The following ARHGAP45 variants were observed in gnomAD, a reference collection of about 807,000 sequenced individuals.
ARHGAP45 encodes Rho GTPase activating protein 45.
ARHGAP45 carries 56 observed loss-of-function variants against 116.1 expected under a neutral mutation model. The ratio of observed to expected loss-of-function variants is 0.48; its 90% CI spans 0.39 to 0.60. ARHGAP45 has a LOEUF of 0.60. ARHGAP45 is among the 20% of genes least tolerant of loss of function. The pLI, the probability that ARHGAP45 is intolerant of heterozygous loss-of-function variation, is 0.00. For missense variants in ARHGAP45, 1,622 were observed against 1,601.0 expected (o/e 1.01, Z -0.22); for synonymous variants, 866 against 701.7 (o/e 1.23, Z -3.70).
chr19:1,068,653 G>A lies in ARHGAP45; in HGVS notation c.330G>A (p.Pro110=), dbSNP rs117640500. Reference sequence around the variant, plus strand: ...AGCTGCCCACCGAGGGTGCCGGCCCGGACGTCGTCGAGGACATCTCCCATC... The same window carrying A: ...AGCTGCCCACCGAGGGTGCCGGCCCAGACGTCGTCGAGGACATCTCCCATC... ...PGELPTEGAG[P]DVVEDISHLL... The change falls in exon 2 of 23, where the codon CCG becomes CCA. Residue 110 remains proline, a synonymous_variant. Transcript: ENST00000313093. This position sits in a 1 kb window ranked among gnomAD's most constrained non-coding sequence, Gnocchi z 7.5. 0.014 allele frequency: 23,293 copies of A among 1,612,590 alleles called. 197 individuals carry two copies. The highest frequency in any genetic ancestry group is 0.017 in the Non-Finnish European group (20,244 of 1,179,956).
At chr19:1,078,710 C>T (rs1400310312) in intron 11 of ARHGAP45, among the ~76,000 whole-genome samples, 4 of 150,940 alleles carry the variant, frequency 2.7e-5, no homozygotes, top group Admixed American at 6.6e-5. Flanking sequence ...CGCCCGGCCC[C>T]GATTTTTAAA....
At chr19:1,084,466 A>C (rs886493995) in intron 22 of ARHGAP45, 120 bp downstream of exon 22, 6 of 708,492 alleles carry the variant, frequency 8.5e-6, no homozygotes, top group African/African-American at 1.8e-5. Context: ...CATTCTGTGG[A>C]TTTCGTCTGC....
intron 11 of ARHGAP45, among the ~76,000 whole-genome samples, chr19:1,078,745 C>G (rs1488840767): frequency 6.6e-6 from 1 of 151,442 alleles, no homozygotes; most frequent in Non-Finnish European, 1.5e-5. Context: ...GAGACAGTGT[C>G]TTGTTCTGTC....
At chr19:1,076,640 G>T (rs752376022) in intron 10 of ARHGAP45, among the ~76,000 whole-genome samples, 1 of 151,948 alleles carries the variant, frequency 6.6e-6, no homozygotes, top group African/African-American at 2.4e-5. Context: ...GGGATTACAG[G>T]CGCCAGCCAA....
At position 1,068,598 on chromosome 19, in the gene ARHGAP45, G is replaced by A. The variant is rs780950947; in HGVS notation, c.275G>A (p.Arg92Gln). ...TCCTGGACACTGGGCCGGAGCCACCGGAGCCCACTGACAGCCGCCAGCCCG... is the reference window on the plus strand; with the variant it reads ...TCCTGGACACTGGGCCGGAGCCACCAGAGCCCACTGACAGCCGCCAGCCCG... ...AASWTLGRSHRSPLTAASPGE... is the reference protein window; with the variant it reads ...AASWTLGRSHQSPLTAASPGE... Residue 92 changes from arginine to glutamine, a missense_variant, in exon 2 of 23, where the codon CGG becomes CAG. By Grantham distance (43) the Arg-to-Gln change is conservative. Coordinates refer to ENST00000313093, the MANE Select transcript of ARHGAP45 (RefSeq NM_012292.5). The surrounding 1 kb of genome is among the most constrained non-coding windows in gnomAD (Gnocchi z 7.5). The A allele has an allele frequency of 2.9e-5, 46 of 1,610,954 alleles. No homozygotes were observed. The highest frequency in any genetic ancestry group is 3.7e-5 in the Non-Finnish European group (44 of 1,179,026).
Position 1,068,605 on chromosome 19 carries a change from A to G in ARHGAP45, c.282A>G (p.Pro94=), listed in dbSNP as rs1188102284. ...CACTGGGCCGGAGCCACCGGAGCCCACTGACAGCCGCCAGCCCGGGCGAGC... is the reference window on the plus strand; with the variant it reads ...CACTGGGCCGGAGCCACCGGAGCCCGCTGACAGCCGCCAGCCCGGGCGAGC... ...SWTLGRSHRS[P]LTAASPGELP... The change falls in exon 2 of 23, where the codon CCA becomes CCG. Residue 94 remains proline (P), a synonymous_variant. Transcript: ENST00000313093. This position sits in a 1 kb window ranked among gnomAD's most constrained non-coding sequence, Gnocchi z 7.5. 2 of 1,611,212 alleles carry G rather than the reference A, an allele frequency of 1.2e-6. No individual in the cohort carries two copies. The highest frequency in any genetic ancestry group is 2.2e-5 in the South Asian group (2 of 90,992).
At chr19:1,066,130 C>G (rs933079091), upstream of ARHGAP45, 1 of 1,535,560 alleles carries the variant, frequency 6.5e-7, no homozygotes, top group African/African-American at 1.4e-5. Flanking sequence ...GCCTTCATGT[C>G]CTGTGCCCCA....
intron 10 of ARHGAP45, 58 bp from the exon 11 acceptor site, chr19:1,077,799 G>A: frequency 1.3e-6 from 2 of 1,550,378 alleles, no homozygotes; most frequent in Non-Finnish European, 1.7e-6. Context: ...GAGCTGGGGA[G>A]ACTGAGTCCC....
chr19:1,073,911 G>C, intron 5 of ARHGAP45, 37 bp from the exon 6 acceptor site: 1 of 1,531,694 alleles, frequency 6.5e-7, no homozygotes, highest in African/African-American at 1.4e-5. Flanking sequence ...CCAGGGCCCC[G>C]CATGGGGCTG....
In ARHGAP45 at chr19:1,079,777, C is replaced by G. The variant is rs766176590; in HGVS notation, c.1449C>G (p.Thr483=). The G allele has an allele frequency of 1.9e-6, 3 of 1,611,776 alleles. No individual in the cohort carries two copies. The highest frequency in any genetic ancestry group is 8.5e-7 in the Non-Finnish European group (1 of 1,179,098). ...AKTQKQELED[T]KVTALRQIQE... ...CGCAGAAGCAGGAGCTGGAGGATAC[C>G]AAGGTGACGGCGCTGCGGCAGATCC... is the stretch of plus-strand genomic sequence containing the variant. Residue 483 remains threonine, a synonymous_variant, in exon 12 of 23, where the codon ACC becomes ACG. Transcript: ENST00000313093.
chr19:1,069,950 G>C lies in ARHGAP45; in HGVS notation c.421+1206G>C, dbSNP rs1406473225. Among the ~76,000 whole-genome samples the C allele has an allele frequency of 6.6e-6, 1 of 151,742 alleles. No individual in the cohort carries two copies. The highest frequency in any genetic ancestry group is 1.5e-5 in the Non-Finnish European group (1 of 67,986). ...TCCTACCTCTGCCTCCCGAGTACCTGAGACTACAGGCATGAGCCACTGCAC... is the reference window on the plus strand; with the variant it reads ...TCCTACCTCTGCCTCCCGAGTACCTCAGACTACAGGCATGAGCCACTGCAC... On this transcript the variant is annotated intron_variant, in intron 2 of 22. Transcript: ENST00000313093. The surrounding 1 kb of genome is among the most constrained non-coding windows in gnomAD (Gnocchi z 4.1).
chr19:1,071,235 G>A lies in ARHGAP45; in HGVS notation c.422-1914G>A, dbSNP rs1245478447. ...GGTTTGGCCACCGGAGACCCCCATCGGTCAGCTGCCAGGCCCCACGCGCTC... is the reference window on the plus strand; with the variant it reads ...GGTTTGGCCACCGGAGACCCCCATCAGTCAGCTGCCAGGCCCCACGCGCTC... On this transcript the variant is annotated intron_variant, in intron 2 of 22. Transcript: ENST00000313093. This position sits in a 1 kb window ranked among gnomAD's most constrained non-coding sequence, Gnocchi z 4.6. The A allele has an allele frequency of 3.1e-5, 45 of 1,466,536 alleles. 1 individual carries two copies. The highest frequency in any genetic ancestry group is 2.2e-5 in the Admixed American group (1 of 44,924). 90.8% of individuals were successfully genotyped at this position (1,466,536 alleles called of 1,614,324 possible). A position where few individuals can be genotyped will look rare whatever the true frequency, so the allele number is the denominator to read the frequency against.
intron 10 of ARHGAP45, among the ~76,000 whole-genome samples, chr19:1,076,144 C>T (rs990611558): frequency 6.6e-6 from 1 of 152,100 alleles, no homozygotes; most frequent in African/African-American, 2.4e-5. Flanking sequence ...AAGCTTGTGC[C>T]CCTGTCTCAA....
At chr19:1,082,127 GGGCTGA>G (rs2043455977) in intron 19 of ARHGAP45, among the ~76,000 whole-genome samples, 166 bp downstream of exon 19, 1 of 151,810 alleles carries the variant, frequency 6.6e-6, no homozygotes, top group Non-Finnish European at 1.5e-5. Flanking sequence ...TGGCAGGGCA[GGGCTGA>G]GGCTGGGGGC....
At chr19:1,081,179 C>A in intron 17 of ARHGAP45, 115 bp downstream of exon 17, 5 of 1,235,750 alleles carry the variant, frequency 4.0e-6, no homozygotes, top group Non-Finnish European at 4.4e-6. Flanking sequence ...AGCAGTCGGA[C>A]GCCTTTGGAA....
chr19:1,082,022 G>T, intron 19 of ARHGAP45, 61 bp downstream of exon 19: 9 of 1,569,404 alleles, frequency 5.7e-6, no homozygotes, highest in Non-Finnish European at 7.8e-6. Flanking sequence ...GCAGGAGGAG[G>T]CGGGGTGGGG....
At position 1,067,226 on chromosome 19, in the gene ARHGAP45, T is replaced by A. The variant is rs2043051539; in HGVS notation, c.-180T>A. Reference sequence around the variant, plus strand: ...TCGGGGGCGAGGCCGCGTCGCCGCCTCCCCGAAGCCTTTTCCTGTTGGGGG... The same window carrying A: ...TCGGGGGCGAGGCCGCGTCGCCGCCACCCCGAAGCCTTTTCCTGTTGGGGG... On this transcript the variant is annotated 5_prime_UTR_variant, in exon 1 of 23. Transcript: ENST00000313093. 7.4e-7 allele frequency: 1 copy of A among 1,348,394 alleles called. No homozygotes were observed. Among genetic ancestry groups the A allele is most frequent in the Admixed American group, 4.1e-5 (1 of 24,232 alleles). 83.5% of individuals were successfully genotyped at this position (1,348,394 alleles called of 1,614,324 possible).
At chr19:1,084,143 CAGT>C (rs1568485686) in intron 21 of ARHGAP45, 92 bp from the exon 22 acceptor site, 7 of 1,154,708 alleles carry the variant, frequency 6.1e-6, no homozygotes, top group Non-Finnish European at 9.1e-6. Flanking sequence ...CAGCGGGTGT[CAGT>C]AGCTGTTACG....
rs553276906 is a variant in ARHGAP45, at chr19:1,083,906, A to G, written c.2956-332A>G. On this transcript the variant is annotated intron_variant, in intron 21 of 22. Transcript: ENST00000313093. Reference sequence around the variant, plus strand: ...CAGGCGCCGGCCACCACACCCGGCTAATTTTTGTATTTTTAACAGAGATGG... The same window carrying G: ...CAGGCGCCGGCCACCACACCCGGCTGATTTTTGTATTTTTAACAGAGATGG... Among the ~76,000 whole-genome samples, 3 of 152,186 alleles carry G rather than the reference A, an allele frequency of 2.0e-5. No homozygotes were observed. The South Asian group carries it at 6.2e-4, about 32-fold the overall frequency.
Sources: allele counts gnomAD v4.1 joint callset (sites outside exome capture counted in the v4.1 genomes callset), GRCh38; gene constraint gnomAD v4.1.1; non-coding constraint Gnocchi (gnomAD v3.1); transcripts MANE v1.5; gene names NCBI Gene and HGNC (gene_info 2026-07-23, HGNC 2026-07-21).